Variants in PARL observed in about 807,000 individuals in gnomAD.
The protein encoded by PARL is presenilin-associated rhomboid-like protein, mitochondrial.
Under a neutral mutation model 51.6 loss-of-function variants are expected in PARL, and 44 were observed. The ratio of observed to expected loss-of-function variants is 0.85; its 90% CI spans 0.67 to 1.10. PARL has a LOEUF of 1.10. Ranked by LOEUF, PARL falls within the 50% of genes least tolerant of loss-of-function variation. PARL has a pLI of 0.00. For missense variants in PARL, 441 were observed against 469.5 expected (o/e 0.94, Z 0.56); for synonymous variants, 172 against 164.0 (o/e 1.05, Z -0.37).
At chr3:183,842,509 T>C in intron 5 of PARL, 62 bp from the exon 6 acceptor site, 1 of 1,510,742 alleles carries the variant, frequency 6.6e-7, no homozygotes. Context: ...AAATTATCCA[T>C]TTTAAACTTT....
chr3:183,830,835 T>C (rs780669699), intron 9 of PARL, among the ~76,000 whole-genome samples: 11 of 152,198 alleles, frequency 7.2e-5, no homozygotes, highest in Non-Finnish European at 1.3e-4. Flanking sequence ...TTAACAGGCA[T>C]GTAATAAAAA....
chr3:183,836,000 C>T (rs957960738), intron 7 of PARL, among the ~76,000 whole-genome samples: 1 of 151,892 alleles, frequency 6.6e-6, no homozygotes, highest in African/African-American at 2.4e-5. Context: ...GGCAGATCAC[C>T]TGAGGTCTGG....
intron 4 of PARL, among the ~76,000 whole-genome samples, chr3:183,852,757 T>C (rs1024151356): frequency 6.6e-6 from 1 of 152,162 alleles, no homozygotes; most frequent in Admixed American, 6.5e-5. Context: ...ATGTTATATA[T>C]ATTTTACAAT....
rs775410403 is a variant in PARL, at chr3:183,833,581, T to A, written c.939A>T (p.Lys313Asn). Residue 313 changes from lysine (K) to asparagine (N), a missense_variant, in exon 9 of 10, where the codon AAA (lysine) becomes AAT (asparagine). By Grantham distance (94) the Lys-to-Asn change is moderately conservative (BLOSUM62 0). Transcript: ENST00000317096. ...MFTFTAGNAL[K>N]AIIAMDTAGM... ...CTGCTGTATCCATGGCGATAATGGC[T>A]TTCAGGGCCTGAAAGGCAGCAAGAA... The A allele has an allele frequency of 6.8e-6, 11 of 1,612,472 alleles. No individual in the cohort carries two copies. The highest frequency in any genetic ancestry group is 9.3e-6 in the Non-Finnish European group (11 of 1,178,476).
chr3:183,873,598 GTAA>G (rs1733469664), intron 1 of PARL, among the ~76,000 whole-genome samples: 1 of 152,094 alleles, frequency 6.6e-6, no homozygotes, highest in South Asian at 2.1e-4. Context: ...TTGTAACCCA[GTAA>G]TCTTGGTTCC....
chr3:183,827,763 C>T (rs1462490203), downstream of PARL, among the ~76,000 whole-genome samples: 1 of 152,176 alleles, frequency 6.6e-6, no homozygotes, highest in Non-Finnish European at 1.5e-5. Flanking sequence ...GGGGTGGTCC[C>T]AGAGCCTGGA....
intron 1 of PARL, among the ~76,000 whole-genome samples, chr3:183,873,559 A>T (rs529278083): frequency 3.0e-4 from 45 of 152,196 alleles, no homozygotes; most frequent in African/African-American, 1.1e-3. Flanking sequence ...AAAAAAAAAA[A>T]AATTAATTAA....
downstream of PARL, among the ~76,000 whole-genome samples, chr3:183,827,696 G>A (rs560749197): frequency 1.4e-4 from 22 of 152,282 alleles, no homozygotes; most frequent in Non-Finnish European, 2.5e-4. Context: ...AGACTTCACC[G>A]ATTGCTCGTG....
intron 7 of PARL, among the ~76,000 whole-genome samples, chr3:183,834,886 CAAAAAAA>C (rs60078452): frequency 5.1e-4 from 55 of 108,626 alleles, no homozygotes; most frequent in South Asian, 5.0e-3. Flanking sequence ...ACTAAAAATA[CAAAAAAA>C]AAAAAAAAAA....
chr3:183,879,948 C>T (rs1222642820), intron 1 of PARL, among the ~76,000 whole-genome samples: 2 of 145,178 alleles, frequency 1.4e-5, no homozygotes, highest in African/African-American at 5.1e-5. Flanking sequence ...CCAGGCTGGT[C>T]TCGAACTCCT....
At chr3:183,879,726 T>G in intron 1 of PARL, 1 of 979,828 alleles carries the variant, frequency 1.0e-6, no homozygotes, top group Non-Finnish European at 1.2e-6. Context: ...TTCCTTTTTT[T>G]GGTGGGCGGG....
chr3:183,882,310 T>C (rs1165071437), intron 1 of PARL, among the ~76,000 whole-genome samples: 1 of 100,666 alleles, frequency 9.9e-6, no homozygotes, highest in Admixed American at 1.2e-4. Flanking sequence ...TACACACACA[T>C]ATATACACAC....
intron 1 of PARL, among the ~76,000 whole-genome samples, chr3:183,876,706 G>C (rs1287429993): frequency 3.3e-5 from 5 of 150,952 alleles, no homozygotes; most frequent in Admixed American, 2.6e-4. Flanking sequence ...GCCACAGAGT[G>C]ATTTTTCTGA....
downstream of PARL, among the ~76,000 whole-genome samples, chr3:183,827,400 C>T (rs1389253352): frequency 2.7e-5 from 4 of 150,452 alleles, no homozygotes; most frequent in Admixed American, 2.0e-4. Flanking sequence ...TATGATTGCA[C>T]CACTGAACTC....
chr3:183,884,732 G>T lies in PARL; in HGVS notation c.115C>A (p.Leu39Ile). ...CGCGGCGGCTATTACCTGCGTCCGA[G>T]GAGCTGCGGCGGGGTTAGGACCGCA... ...LTAVLTPPQL[L>I]GRRFNFFIQQ... is the part of the protein sequence containing the mutation. The change falls in exon 1 of 10, where the codon CTC becomes ATC. Residue 39 changes from leucine to isoleucine, a missense_variant. Physicochemically the swap from Leu to Ile is conservative, Grantham distance 5. Transcript: ENST00000317096. 6.3e-7 allele frequency: 1 copy of T among 1,590,754 alleles called. No homozygotes were observed. The highest frequency in any genetic ancestry group is 8.5e-7 in the Non-Finnish European group (1 of 1,171,242).
At chr3:183,833,448 T>C in intron 9 of PARL, 44 bp downstream of exon 9, 2 of 1,168,570 alleles carry the variant, frequency 1.7e-6, no homozygotes, top group South Asian at 1.2e-5. Flanking sequence ...GAGGAGCGCA[T>C]GACCCAAGGA....
intron 4 of PARL, among the ~76,000 whole-genome samples, chr3:183,854,353 T>G (rs762413124): frequency 6.6e-6 from 1 of 152,290 alleles, no homozygotes; most frequent in East Asian, 1.9e-4. Flanking sequence ...TGTCCATCAA[T>G]AGGTGAATGG....
intron 1 of PARL, among the ~76,000 whole-genome samples, chr3:183,872,752 C>T (rs1209408083): frequency 6.6e-6 from 1 of 152,128 alleles, no homozygotes; most frequent in Non-Finnish European, 1.5e-5. Flanking sequence ...TTTCAGGAGC[C>T]CCTTGGAAAG....
At chr3:183,865,364 T>C (rs765996815) in intron 3 of PARL, among the ~76,000 whole-genome samples, 3 of 152,050 alleles carry the variant, frequency 2.0e-5, no homozygotes. Flanking sequence ...TTTTGAAAAA[T>C]TCCCTGCAGT....
Sources: gnomAD v4.1 joint callset for allele counts (sites outside exome capture counted in the v4.1 genomes callset) on GRCh38, gnomAD v4.1.1 for gene constraint, MANE v1.5 for transcripts, NCBI Gene and HGNC (gene_info 2026-07-23, HGNC 2026-07-21) for gene names.